Variants in BARD1 observed in about 807,000 individuals in gnomAD.
The protein encoded by BARD1 is BRCA1-associated RING domain protein 1.
A neutral mutation model predicts 77.0 loss-of-function variants in BARD1; 73 were observed. The ratio of observed to expected loss-of-function variants is 0.95; its 90% confidence interval spans 0.79 to 1.15. The LOEUF (loss-of-function observed/expected upper bound fraction) is 1.15, where lower values mean the gene tolerates loss of function less well. Among genes scored for constraint, BARD1 ranks in the 50% most tolerant of loss-of-function variants. BARD1 has a pLI of 0.00. For synonymous variants in BARD1, 384 were observed against 338.0 expected (o/e 1.14, Z -1.49); for missense variants, 993 against 938.8 (o/e 1.06, Z -0.75).
intron 6 of BARD1, among the ~76,000 whole-genome samples, chr2:214,766,356 G>C (rs1030627882): frequency 6.6e-6 from 1 of 152,032 alleles, no homozygotes; most frequent in Non-Finnish European, 1.5e-5. Flanking sequence ...TGTTGTAATA[G>C]TAAATACACA....
At chr2:214,751,609 G>C (rs1156873737) in intron 7 of BARD1, among the ~76,000 whole-genome samples, 2 of 152,038 alleles carry the variant, frequency 1.3e-5, no homozygotes, top group South Asian at 4.2e-4. Flanking sequence ...GGGTTCCTAA[G>C]AAACAGGCAT....
At chr2:214,803,183 C>A in intron 1 of BARD1, among the ~76,000 whole-genome samples, 1 of 129,790 alleles carries the variant, frequency 7.7e-6, no homozygotes, top group African/African-American at 3.1e-5. Flanking sequence ...GACACAAACA[C>A]TGCGGAAGGA....
At chr2:214,751,062 C>A (rs1019476294) in intron 7 of BARD1, among the ~76,000 whole-genome samples, 1 of 133,864 alleles carries the variant, frequency 7.5e-6, no homozygotes, top group African/African-American at 2.8e-5. Context: ...ACTTAGGACA[C>A]CTTTCTCTGT....
intron 6 of BARD1, among the ~76,000 whole-genome samples, chr2:214,760,489 G>A (rs1477805171): frequency 1.3e-5 from 2 of 152,136 alleles, no homozygotes; most frequent in Non-Finnish European, 2.9e-5. Flanking sequence ...CACTGCGCCA[G>A]GCCCATAACT....
intron 9 of BARD1, among the ~76,000 whole-genome samples, chr2:214,732,752 A>T (rs974953936): frequency 6.6e-6 from 1 of 152,178 alleles, no homozygotes; most frequent in Non-Finnish European, 1.5e-5. Flanking sequence ...AAAGAAATGC[A>T]ATGTTTTCCA....
At chr2:214,799,439 C>G (rs1362557294) in intron 1 of BARD1, among the ~76,000 whole-genome samples, 3 of 152,182 alleles carry the variant, frequency 2.0e-5, no homozygotes, top group Admixed American at 2.0e-4. Context: ...AAAACAATCT[C>G]TATGCTTCCT....
At chr2:214,802,082 G>A (rs763929665) in intron 1 of BARD1, among the ~76,000 whole-genome samples, 1 of 152,072 alleles carries the variant, frequency 6.6e-6, no homozygotes, top group Non-Finnish European at 1.5e-5. Flanking sequence ...TAAATATTTT[G>A]TACAGATGAT....
intron 7 of BARD1, among the ~76,000 whole-genome samples, chr2:214,751,117 G>GTATATATA (rs1216095030): frequency 6.1e-5 from 1 of 16,286 alleles, no homozygotes; most frequent in Non-Finnish European, 1.4e-4. Context: ...GTGTGTGTGT[G>GTATATATA]TATATATATA....
chr2:214,741,262 G>A (rs1405969470), intron 9 of BARD1, among the ~76,000 whole-genome samples: 2 of 152,064 alleles, frequency 1.3e-5, no homozygotes, highest in Non-Finnish European at 2.9e-5. Flanking sequence ...AGATGAGAGT[G>A]GGGAAGAGGG....
intron 6 of BARD1, among the ~76,000 whole-genome samples, chr2:214,762,382 T>C (rs1269556891): frequency 1.3e-5 from 2 of 152,150 alleles, no homozygotes; most frequent in Non-Finnish European, 1.5e-5. Context: ...ACTCAGTCTA[T>C]AACTAGAATA....
chr2:214,736,499 A>G (rs1692571168), intron 9 of BARD1, among the ~76,000 whole-genome samples: 1 of 152,116 alleles, frequency 6.6e-6, no homozygotes. Context: ...CATTCTTATG[A>G]TATCTACTGT....
chr2:214,751,109 GTGTGTGTGTATATATATATATATA>G (rs1461768723), intron 7 of BARD1, among the ~76,000 whole-genome samples: 3 of 10,252 alleles, frequency 2.9e-4, no homozygotes, highest in African/African-American at 6.4e-4. Context: ...GTGTGTGTGT[GTGTGTGTGTATATATATATATATA>G]TATATATATA....
At chr2:214,781,950 G>A (rs1191285315) in intron 3 of BARD1, among the ~76,000 whole-genome samples, 1 of 152,086 alleles carries the variant, frequency 6.6e-6, no homozygotes, top group East Asian at 1.9e-4. Context: ...AAATCCCAAT[G>A]TAATTTCCAG....
chr2:214,798,286 A>G (rs1695850201), intron 1 of BARD1, among the ~76,000 whole-genome samples: 1 of 152,130 alleles, frequency 6.6e-6, no homozygotes, highest in South Asian at 2.1e-4. Flanking sequence ...TACAAAACCT[A>G]TTACTTTTTA....
At chr2:214,768,640 T>A (rs1371922130) in intron 5 of BARD1, among the ~76,000 whole-genome samples, 1 of 152,216 alleles carries the variant, frequency 6.6e-6, no homozygotes, top group Non-Finnish European at 1.5e-5. Flanking sequence ...CATTCAAATC[T>A]CATGTTTGTC....
rs1275314018 is a variant in BARD1, at chr2:214,767,529, C to T, written c.1521G>A (p.Val507=). The part of the protein sequence containing the change: ...PLHDAAKNGH[V]DIVKLLLSYG... ...AGGAAAGTAACAGCTTGACTATATC[C>T]ACATGCCCATTCTTGGCTGCATCGT... Residue 507 remains valine (V), a synonymous_variant, in exon 6 of 11, where the codon GTG becomes GTA. Transcript: ENST00000260947. 2.5e-6 allele frequency: 4 copies of T among 1,613,890 alleles called. No individual in the cohort carries two copies. In the South Asian group the frequency reaches 4.4e-5, roughly 18 times the overall value.
rs115270334 is a variant in BARD1, at chr2:214,802,359, G to A, written c.159-5242C>T. Among the ~76,000 whole-genome samples, 1,120 of 152,208 alleles carry A rather than the reference G, an allele frequency of 7.4e-3. 13 individuals carry two copies. Among genetic ancestry groups the A allele is most frequent in the African/African-American group, 0.024 (1,014 of 41,524 alleles). ...AACTGGGCTAATGTTAGTGTTCTGG[G>A]CATGTTTAAGGTAGGCTGGGCTATG... On this transcript the variant is annotated intron_variant, in intron 1 of 10. Coordinates refer to ENST00000260947, the MANE Select transcript of BARD1 (RefSeq NM_000465.4).
At chr2:214,757,302 T>C (rs1411642890) in intron 6 of BARD1, among the ~76,000 whole-genome samples, 1 of 152,062 alleles carries the variant, frequency 6.6e-6, no homozygotes, top group East Asian at 1.9e-4. Context: ...TTTTTTTTTT[T>C]CTAATGTACT....
At chr2:214,759,135 T>C (rs1238247841) in intron 6 of BARD1, among the ~76,000 whole-genome samples, 1 of 152,136 alleles carries the variant, frequency 6.6e-6, no homozygotes, top group East Asian at 1.9e-4. Flanking sequence ...ACATAAATTA[T>C]CTCTGGCAAT....
Sources: gnomAD v4.1 joint callset for allele counts (sites outside exome capture counted in the v4.1 genomes callset) on GRCh38, gnomAD v4.1.1 for gene constraint, MANE v1.5 for transcripts, NCBI Gene and HGNC (gene_info 2026-07-23, HGNC 2026-07-21) for gene names.